The following PKD1L3 variants were observed in gnomAD, a reference collection of about 807,000 sequenced individuals.
The protein encoded by PKD1L3 is polycystin-1-like protein 3.
In PKD1L3, 239 loss-of-function variants were observed where a neutral mutation model predicts 184.1. The ratio of observed to expected loss-of-function variants is 1.30; its 90% CI spans 1.17 to 1.45. PKD1L3 has a LOEUF of 1.45. PKD1L3 is among the 40% of genes most tolerant of loss of function. The probability of loss-of-function intolerance (pLI) is 0.00; values close to 1 mark genes in which losing one functional copy is unlikely to be tolerated. For synonymous variants in PKD1L3, 996 were observed against 778.8 expected (o/e 1.28, Z -4.64); for missense variants, 2,660 against 2,067.2 (o/e 1.29, Z -5.56).
intron 20 of PKD1L3, 39 bp from the exon 21 acceptor site, chr16:71,950,056 C>A: frequency 6.5e-7 from 1 of 1,549,054 alleles, no homozygotes. Context: ...TTGTATGCAT[C>A]GGCTGAGATA....
At position 71,970,100 on chromosome 16, in the gene PKD1L3, C is replaced by T; in HGVS notation, c.1959G>A (p.Gly653=). 4 of 1,551,154 alleles carry T rather than the reference C, an allele frequency of 2.6e-6. No homozygotes were observed. The highest frequency in any genetic ancestry group is 3.5e-6 in the Non-Finnish European group (4 of 1,146,616). The change falls in exon 13 of 30, where the codon GGG becomes GGA. Residue 653 remains glycine (G), a synonymous_variant. Coordinates refer to ENST00000620267, the MANE Select transcript of PKD1L3 (RefSeq NM_181536.2). ...GTGTCCTCAGAATTGTGCTCTGTGG[C>T]CCAACCTGGAATTAGAATCAAGACG... ...QTWSSAGCQV[G]PQSTILRTQC...
chr16:71,944,244 C>G (rs956342323), intron 22 of PKD1L3, 74 bp from the exon 23 acceptor site: 95 of 1,317,978 alleles, frequency 7.2e-5, no homozygotes, highest in Non-Finnish European at 9.9e-5. Flanking sequence ...CATTGAGCAT[C>G]TACTGTGAGC....
At chr16:71,984,686 C>T (rs1465723247) in intron 5 of PKD1L3, among the ~76,000 whole-genome samples, 3 of 152,180 alleles carry the variant, frequency 2.0e-5, no homozygotes, top group Non-Finnish European at 4.4e-5. Context: ...TAGCAAAACC[C>T]TGTCTCTACT....
intron 7 of PKD1L3, among the ~76,000 whole-genome samples, chr16:71,981,676 G>A (rs1597361092): frequency 1.3e-5 from 2 of 151,840 alleles, no homozygotes; most frequent in African/African-American, 4.8e-5. Flanking sequence ...GAGTAGCTGG[G>A]ATTACAGGCA....
chr16:71,945,026 C>T (rs888206802), intron 22 of PKD1L3, among the ~76,000 whole-genome samples: 1 of 150,162 alleles, frequency 6.7e-6, no homozygotes, highest in Non-Finnish European at 1.5e-5. Context: ...AATACAAGCC[C>T]TGTTTTTGAT....
intron 6 of PKD1L3, among the ~76,000 whole-genome samples, chr16:71,983,120 G>A (rs544037923): frequency 6.6e-6 from 1 of 152,176 alleles, no homozygotes; most frequent in Non-Finnish European, 1.5e-5. Flanking sequence ...ACTAAAAAAA[G>A]GAATGAAGAA....
In PKD1L3 at chr16:71,954,025, G is replaced by A. The variant is rs1454456614; in HGVS notation, c.2809+80C>T. On this transcript the variant is annotated intron_variant, in intron 17 of 29. Transcript: ENST00000620267. ...GAGGCCAGGAGTTCTAGACCAGCCT[G>A]GGTAACAGAGCAAGACCCTGTCTCA... 3.3e-6 allele frequency: 4 copies of A among 1,220,196 alleles called. No homozygotes were observed. In the African/African-American group the frequency reaches 6.3e-5, roughly 19 times the overall value. The allele number at this position is 1,220,196 out of a possible 1,614,324, so 75.6% of individuals were successfully genotyped here.
intron 20 of PKD1L3, 43 bp from the exon 21 acceptor site, chr16:71,950,060 TGA>T (rs1478222375): frequency 6.5e-7 from 1 of 1,548,664 alleles, no homozygotes; most frequent in Non-Finnish European, 8.7e-7. Flanking sequence ...ATGCATCGGC[TGA>T]GATAGAGGAT....
chr16:71,983,266 C>T (rs757653037), intron 6 of PKD1L3, among the ~76,000 whole-genome samples: 2 of 151,938 alleles, frequency 1.3e-5, no homozygotes, highest in Non-Finnish European at 2.9e-5. Flanking sequence ...CCCATCTCAG[C>T]CTCCCAAGTA....
At chr16:71,995,652 G>A (rs547112822) in intron 2 of PKD1L3, among the ~76,000 whole-genome samples, 14 of 152,146 alleles carry the variant, frequency 9.2e-5, no homozygotes, top group Non-Finnish European at 1.9e-4. Flanking sequence ...ATGGGCATGT[G>A]GATTATTCCT....
chr16:71,984,598 G>A (rs571782783), intron 5 of PKD1L3, among the ~76,000 whole-genome samples: 4 of 152,114 alleles, frequency 2.6e-5, no homozygotes, highest in African/African-American at 4.8e-5. Context: ...GATGGCTCAC[G>A]CCTGTCATCC....
intron 15 of PKD1L3, among the ~76,000 whole-genome samples, chr16:71,966,139 G>A (rs1269358197): frequency 1.3e-5 from 2 of 151,884 alleles, no homozygotes; most frequent in Admixed American, 6.6e-5. Flanking sequence ...TGCTCTTTGT[G>A]GGTGGGCAAC....
intron 2 of PKD1L3, 146 bp downstream of exon 2, chr16:71,998,126 A>T: frequency 9.0e-7 from 1 of 1,106,850 alleles, no homozygotes; most frequent in East Asian, 2.7e-5. Flanking sequence ...TTCTCATGCT[A>T]ATCAGCATCA....
chr16:71,996,552 G>A (rs772044478), intron 2 of PKD1L3, among the ~76,000 whole-genome samples: 7 of 152,136 alleles, frequency 4.6e-5, no homozygotes, highest in East Asian at 1.9e-4. Flanking sequence ...GAGCCACTGT[G>A]CCTGGCCCAC....
intron 12 of PKD1L3, among the ~76,000 whole-genome samples, chr16:71,971,721 A>G (rs2039717443): frequency 6.6e-6 from 1 of 152,190 alleles, no homozygotes; most frequent in African/African-American, 2.4e-5. Flanking sequence ...ACATTTTAAC[A>G]AACTGATTAT....
chr16:71,999,193 C>T (rs1466984283), intron 1 of PKD1L3, among the ~76,000 whole-genome samples: 1 of 151,556 alleles, frequency 6.6e-6, no homozygotes, highest in African/African-American at 2.4e-5. Context: ...ATGGCGTGAA[C>T]CCGGGAGGCG....
At position 71,942,581 on chromosome 16, in the gene PKD1L3, C is replaced by A. The variant is rs750152507; in HGVS notation, c.4303G>T (p.Gly1435Ter). The change falls in exon 24 of 30, where the codon GGA (glycine) becomes TGA (stop). Residue 1435 changes from glycine to a stop codon, truncating the protein, a stop_gained. Coordinates refer to ENST00000620267, the MANE Select transcript of PKD1L3 (RefSeq NM_181536.2). LOFTEE classifies it high-confidence loss of function. ...TTACCTCTCATGATGTAACTGAATC[C>A]ATTCTCATTCTTGCTTGTCAGCCTT... is the stretch of plus-strand genomic sequence containing the variant. ...HERLTSKNEN[G>*]FSYIMRGAFF... 5.8e-6 allele frequency: 9 copies of A among 1,551,400 alleles called. No individual in the cohort carries two copies. In the South Asian group the frequency reaches 1.1e-4, roughly 18 times the overall value.
At chr16:71,977,188 A>T in intron 11 of PKD1L3, 48 bp downstream of exon 11, 2 of 1,378,802 alleles carry the variant, frequency 1.5e-6, no homozygotes, top group Non-Finnish European at 1.0e-6. Context: ...ACTACATCCT[A>T]GGCAAAAAGA....
chr16:71,994,019 C>T (rs905900169), intron 2 of PKD1L3, among the ~76,000 whole-genome samples: 1 of 152,214 alleles, frequency 6.6e-6, no homozygotes, highest in Admixed American at 6.5e-5. Flanking sequence ...ATGTGCCCGC[C>T]TTGGCCTCCC....
Sources: gnomAD v4.1 joint callset for allele counts (sites outside exome capture counted in the v4.1 genomes callset) on GRCh38, gnomAD v4.1.1 for gene constraint, MANE v1.5 for transcripts, NCBI Gene and HGNC (gene_info 2026-07-23, HGNC 2026-07-21) for gene names.